Variants in PREX2 observed in about 807,000 individuals in gnomAD.
PREX2 encodes the protein phosphatidylinositol-3,4,5-trisphosphate dependent Rac exchange factor 2, also known as phosphatidylinositol 3,4,5-trisphosphate-dependent Rac exchanger 2 protein.
PREX2 carries 107 observed loss-of-function variants against 203.2 expected under a neutral mutation model. That is an observed-to-expected ratio of 0.53 (90% CI 0.45 to 0.62). The LOEUF is 0.62. PREX2 is among the 20% of genes least tolerant of loss of function. The pLI, the probability that PREX2 is intolerant of heterozygous loss-of-function variation, is 0.00. For missense variants in PREX2, 1,777 were observed against 1,955.9 expected, an observed-to-expected ratio of 0.91 and a Z score of 1.72; for synonymous variants, 672 against 663.6, an observed-to-expected ratio of 1.01 and a Z score of -0.19.
At position 68,108,155 on chromosome 8, in the gene PREX2, C is replaced by G. The variant is rs769987443; in HGVS notation, c.2762C>G (p.Ala921Gly). ...AGGGCCTGGCCTACTTTTAAACAGG[C>G]CAAATCTAAAATCTCCCCACTGCAC... The part of the protein sequence containing the change: ...KNRAWPTFKQ[A>G]KSKISPLHSS... The change falls in exon 24 of 40, where the codon GCC (alanine) becomes GGC (glycine). Residue 921 changes from alanine to glycine, a missense_variant. Ala to Gly is a moderately conservative substitution (Grantham distance 60). Coordinates refer to ENST00000288368, the MANE Select transcript of PREX2 (RefSeq NM_024870.4). 1.2e-6 allele frequency: 2 copies of G among 1,613,734 alleles called. No homozygotes were observed. The highest frequency in any genetic ancestry group is 2.7e-5 in the African/African-American group (2 of 74,900).
At chr8:67,959,285 T>A (rs1456093757) in intron 1 of PREX2, among the ~76,000 whole-genome samples, 1 of 152,150 alleles carries the variant, frequency 6.6e-6, no homozygotes, top group Non-Finnish European at 1.5e-5. Flanking sequence ...GGTCGCTGGA[T>A]CTGGCAGTTA....
At chr8:68,226,243 A>G (rs568171975) in intron 39 of PREX2, among the ~76,000 whole-genome samples, 2 of 152,328 alleles carry the variant, frequency 1.3e-5, no homozygotes, top group East Asian at 3.9e-4. Context: ...CTATGCCCCA[A>G]GGAGAGTATA....
intron 18 of PREX2, among the ~76,000 whole-genome samples, chr8:68,085,167 G>T (rs763167688): frequency 3.9e-5 from 6 of 152,162 alleles, no homozygotes; most frequent in Admixed American, 1.3e-4. Flanking sequence ...GAACTGCAAA[G>T]AATGTTGAAT....
intron 35 of PREX2, among the ~76,000 whole-genome samples, chr8:68,159,625 T>C (rs911166590): frequency 2.0e-5 from 3 of 152,212 alleles, no homozygotes; most frequent in Non-Finnish European, 4.4e-5. Context: ...ATAAAGGAAT[T>C]GTGCAGACAA....
At chr8:67,952,622 G>A in intron 1 of PREX2, 87 bp downstream of exon 1, 1 of 1,525,226 alleles carries the variant, frequency 6.6e-7, no homozygotes, top group Non-Finnish European at 8.9e-7. Context: ...GCGCGGCATT[G>A]TCTGTGCGGG....
At position 68,090,715 on chromosome 8, in the gene PREX2, G is replaced by A. The variant is rs1168330876; in HGVS notation, c.2250G>A (p.Lys750=). ...TACRKYRRPT[K]QDSIQWVYNS... The stretch of plus-strand genomic sequence containing the variant: ...GCAGGAAGTACAGGCGGCCAACGAA[G>A]GTAAGTGGCCCTTCAGATAATCTGG... Residue 750 remains lysine (K), a splice_region_variant and synonymous_variant, in exon 20 of 40, where the codon AAG becomes AAA. Coordinates refer to ENST00000288368, the MANE Select transcript of PREX2 (RefSeq NM_024870.4). The A allele has an allele frequency of 6.2e-7, 1 of 1,612,744 alleles. No individual in the cohort carries two copies. The highest frequency in any genetic ancestry group is 2.2e-5 in the East Asian group (1 of 44,846).
intron 35 of PREX2, among the ~76,000 whole-genome samples, chr8:68,166,751 T>G (rs960078618): frequency 6.6e-6 from 1 of 152,124 alleles, no homozygotes; most frequent in African/African-American, 2.4e-5. Context: ...AAGGATCACT[T>G]CAGCCCAGGA....
intron 31 of PREX2, among the ~76,000 whole-genome samples, chr8:68,129,989 A>G (rs1411151525): frequency 1.3e-5 from 2 of 151,738 alleles, no homozygotes; most frequent in African/African-American, 2.4e-5. Flanking sequence ...AAAAAATAGG[A>G]AATGAAGGCA....
chr8:68,203,474 T>C (rs995614572), intron 37 of PREX2, among the ~76,000 whole-genome samples: 3 of 151,708 alleles, frequency 2.0e-5, no homozygotes, highest in East Asian at 3.9e-4. Context: ...AATGTGGAGG[T>C]GATTAGTACA....
chr8:67,998,181 A>AG (rs1563491927), intron 1 of PREX2, among the ~76,000 whole-genome samples: 2 of 152,184 alleles, frequency 1.3e-5, no homozygotes, highest in African/African-American at 4.8e-5. Flanking sequence ...TTAGTGCCTT[A>AG]GTCCCATCCT....
At chr8:68,068,339 A>G (rs1328852957) in intron 11 of PREX2, among the ~76,000 whole-genome samples, 2 of 152,074 alleles carry the variant, frequency 1.3e-5, no homozygotes, top group Non-Finnish European at 1.5e-5. Context: ...AGTCTTTATT[A>G]ATATGAAAGT....
chr8:68,132,108 C>G (rs1811021547), intron 31 of PREX2, among the ~76,000 whole-genome samples: 1 of 152,078 alleles, frequency 6.6e-6, no homozygotes, highest in South Asian at 2.1e-4. Context: ...AAATTAAATC[C>G]AGATATTTCA....
At position 68,042,464 on chromosome 8, in the gene PREX2, A is replaced by T. The variant is rs1808227774; in HGVS notation, c.840-2023A>T. On this transcript the variant is annotated intron_variant, in intron 7 of 39. Transcript: ENST00000288368. ...TGTATTCAACATAGTTTCTAAAAAT[A>T]TATATCCATTTTGTGTGTAGCAAAA... Among the ~76,000 whole-genome samples, 3 of 152,068 alleles carry T rather than the reference A, an allele frequency of 2.0e-5. No individual in the cohort carries two copies. The South Asian group carries it at 6.2e-4, about 31-fold the overall frequency.
intron 34 of PREX2, among the ~76,000 whole-genome samples, chr8:68,156,640 C>G (rs1032411410): frequency 6.6e-6 from 1 of 151,994 alleles, no homozygotes; most frequent in Non-Finnish European, 1.5e-5. Context: ...ATGGGAGATA[C>G]CTAAGGAATA....
At chr8:67,980,704 A>T (rs190048390) in intron 1 of PREX2, among the ~76,000 whole-genome samples, 1 of 152,214 alleles carries the variant, frequency 6.6e-6, no homozygotes, top group Non-Finnish European at 1.5e-5. Flanking sequence ...TACTGTTCTC[A>T]TGATAGTGAG....
chr8:67,993,535 T>C (rs963946612), intron 1 of PREX2, among the ~76,000 whole-genome samples: 1 of 151,930 alleles, frequency 6.6e-6, no homozygotes, highest in Non-Finnish European at 1.5e-5. Flanking sequence ...GCCTCCTAAG[T>C]AGCAGGGATT....
rs557647144 is a variant in PREX2 at position 68,174,399 on chromosome 8, C to A, written c.4346+16963C>A. On this transcript the variant is annotated intron_variant, in intron 35 of 39. Transcript: ENST00000288368. Reference sequence around the variant, plus strand: ...CCCAACACCAAACTTCAAGTAGGGGCACAGTTCTCTGTTATGTAGATTCAA... The same window carrying A: ...CCCAACACCAAACTTCAAGTAGGGGAACAGTTCTCTGTTATGTAGATTCAA... 5.3e-5 allele frequency among the ~76,000 whole-genome samples: 8 copies of A among 152,268 alleles called. No individual in the cohort carries two copies. In the South Asian group the frequency reaches 1.5e-3, roughly 28 times the overall value.
chr8:68,031,802 G>C (rs1011325776), intron 6 of PREX2, among the ~76,000 whole-genome samples: 3 of 152,200 alleles, frequency 2.0e-5, no homozygotes, highest in Non-Finnish European at 4.4e-5. Flanking sequence ...GTCTTGCTGT[G>C]ATGAGAAGAA....
chr8:68,178,124 C>A (rs1387881175), intron 35 of PREX2, among the ~76,000 whole-genome samples: 4 of 151,880 alleles, frequency 2.6e-5, no homozygotes, highest in African/African-American at 9.7e-5. Flanking sequence ...CTTTATAATA[C>A]CTTTGGGTGT....
Sources: gnomAD v4.1 joint callset for allele counts (sites outside exome capture counted in the v4.1 genomes callset) on GRCh38, gnomAD v4.1.1 for gene constraint, MANE v1.5 for transcripts, NCBI Gene and HGNC (gene_info 2026-07-23, HGNC 2026-07-21) for gene names.